CTPS1: variants seen among roughly 807,000 people sequenced by gnomAD.
CTPS1 encodes the protein CTP synthetase 1.
CTPS1 carries 25 observed loss-of-function variants against 80.5 expected under a neutral mutation model. The observed-to-expected ratio is 0.31, with a 90% confidence interval of 0.23 to 0.43. The LOEUF is 0.43. Among genes scored for constraint, CTPS1 ranks in the 20% least tolerant of loss-of-function variants. The probability of loss-of-function intolerance (pLI) is 1.00; values close to 1 mark genes in which losing one functional copy is unlikely to be tolerated. For synonymous variants in CTPS1, 267 were observed against 252.5 expected (o/e 1.06, Z -0.54); for missense variants, 442 against 725.7 (o/e 0.61, Z 4.49).
rs776753946 is a variant in CTPS1 at position 41,003,105 on chromosome 1, G to T, written c.1190-9G>T. 6.2e-7 allele frequency: 1 copy of T among 1,614,004 alleles called. No homozygotes were observed. Among genetic ancestry groups the T allele is most frequent in the Non-Finnish European group, 8.5e-7 (1 of 1,179,950 alleles). Reference sequence around the variant, plus strand: ...GGAGTTTTGTTTGTTTTTTCCCCCCGACTGGAAGGCGTGTGCTTAGGGATG... The same window carrying T: ...GGAGTTTTGTTTGTTTTTTCCCCCCTACTGGAAGGCGTGTGCTTAGGGATG... On this transcript the variant is annotated splice_polypyrimidine_tract_variant and intron_variant, in intron 11 of 18. Transcript: ENST00000650070.
intron 11 of CTPS1, 134 bp downstream of exon 11, chr1:41,002,388 C>G: frequency 1.4e-6 from 1 of 694,804 alleles, no homozygotes; most frequent in African/African-American, 1.8e-5. Context: ...CAAGTAGAAG[C>G]CTTCATGTTT....
chr1:40,995,825 C>CA, intron 7 of CTPS1, 92 bp from the exon 8 acceptor site: 1 of 1,286,006 alleles, frequency 7.8e-7, no homozygotes, highest in East Asian at 2.3e-5. Context: ...TTTTCAAATA[C>CA]ATAATATTTT....
At position 40,979,716 on chromosome 1, in the gene CTPS1, C is replaced by G. The variant is rs556651905; in HGVS notation, c.-127C>G. On this transcript the variant is annotated 5_prime_UTR_variant, in exon 1 of 19. Transcript: ENST00000650070. ...CGTGCGCACAGCCTAGAGCCCGCCT[C>G]CGTGAAAGACTGCCGGGCGCATGCG... The G allele has an allele frequency of 6.6e-6, 1 of 152,456 alleles. No individual in the cohort carries two copies. The highest frequency in any genetic ancestry group is 1.5e-5 in the Non-Finnish European group (1 of 68,128). 9.4% of individuals were successfully genotyped at this position (152,456 alleles called of 1,614,324 possible). A position where few individuals can be genotyped will look rare whatever the true frequency, so the allele number is the denominator to read the frequency against.
intron 9 of CTPS1, 51 bp downstream of exon 9, chr1:40,997,577 G>A (rs1213365873): frequency 3.1e-6 from 5 of 1,592,282 alleles, no homozygotes; most frequent in African/African-American, 1.4e-5. Flanking sequence ...GAAGCAGTCT[G>A]TAGTCTCGTA....
intron 1 of CTPS1, 122 bp downstream of exon 1, chr1:40,979,951 AG>A (rs1310808425): frequency 2.6e-5 from 4 of 152,000 alleles, no homozygotes. Flanking sequence ...CCTACCAATC[AG>A]GGGCGAGGTG....
intron 3 of CTPS1, among the ~76,000 whole-genome samples, chr1:40,985,613 C>T (rs532343001): frequency 1.3e-5 from 2 of 152,114 alleles, no homozygotes; most frequent in South Asian, 2.1e-4. Context: ...ATGGCAGTGG[C>T]CCAAATTTGG....
chr1:40,999,493 T>C (rs1642847886), intron 9 of CTPS1, among the ~76,000 whole-genome samples: 1 of 152,126 alleles, frequency 6.6e-6, no homozygotes, highest in Non-Finnish European at 1.5e-5. Flanking sequence ...TCAACACCTC[T>C]AGTTAGGGAA....
Position 40,988,627 on chromosome 1 carries a change from C to A in CTPS1, c.472C>A (p.Pro158Thr). Residue 158 changes from proline to threonine, a missense_variant, in exon 5 of 19, where the codon CCC (proline) becomes ACC (threonine). Physicochemically the swap from Pro to Thr is conservative, Grantham distance 38 (BLOSUM62 -1). Transcript: ENST00000650070. ...GGTVGDIESM[P>T]FIEAFRQFQF... ...AACCGTGGGGGACATAGAAAGCATG[C>A]CCTTTATTGAGGCCTTCCGTCAGTT... is the stretch of plus-strand genomic sequence containing the variant. 1 of 1,614,050 alleles carries A rather than the reference C, an allele frequency of 6.2e-7. No individual in the cohort carries two copies. Among genetic ancestry groups the A allele is most frequent in the Non-Finnish European group, 8.5e-7 (1 of 1,179,954 alleles).
intron 7 of CTPS1, among the ~76,000 whole-genome samples, chr1:40,993,076 G>T (rs1174076309): frequency 6.6e-6 from 1 of 151,148 alleles, no homozygotes; most frequent in African/African-American, 2.4e-5. Flanking sequence ...TTGAGATGGA[G>T]TTTTCACTTT....
chr1:41,010,850 C>T (rs910464487), intron 18 of CTPS1, among the ~76,000 whole-genome samples: 1 of 152,208 alleles, frequency 6.6e-6, no homozygotes. Context: ...TCATAAAGTG[C>T]AATAACTGTG....
intron 8 of CTPS1, among the ~76,000 whole-genome samples, chr1:40,996,920 T>G (rs986753899): frequency 1.3e-5 from 2 of 152,222 alleles, no homozygotes; most frequent in Non-Finnish European, 2.9e-5. Flanking sequence ...TCTGTTATTT[T>G]TTTTGGTCTT....
intron 16 of CTPS1, among the ~76,000 whole-genome samples, 168 bp downstream of exon 16, chr1:41,009,058 CT>C (rs1444105676): frequency 6.6e-6 from 1 of 152,216 alleles, no homozygotes; most frequent in Admixed American, 6.5e-5. Context: ...ACTCTAGAAA[CT>C]TCTTTCTGGT....
chr1:40,999,088 G>A (rs1237361193), intron 9 of CTPS1, among the ~76,000 whole-genome samples: 1 of 152,222 alleles, frequency 6.6e-6, no homozygotes, highest in Non-Finnish European at 1.5e-5. Context: ...GAGCACATAG[G>A]AGAGGCTGAA....
chr1:40,981,222 G>GCTGT (rs1427035733), intron 1 of CTPS1: 2 of 152,192 alleles, frequency 1.3e-5, no homozygotes, highest in Non-Finnish European at 2.9e-5. Flanking sequence ...AAGCACAGTA[G>GCTGT]CTGTCATGTA....
At chr1:40,981,978 G>T (rs1487671394) in intron 1 of CTPS1, 2 of 1,288,632 alleles carry the variant, frequency 1.6e-6, no homozygotes, top group Non-Finnish European at 2.0e-6. Flanking sequence ...GGAGGAAAAT[G>T]TCCTGACCAT....
chr1:40,980,060 G>A (rs1651789151), intron 1 of CTPS1: 1 of 151,146 alleles, frequency 6.6e-6, no homozygotes, highest in Non-Finnish European at 1.5e-5. Context: ...CTCGTGGCCG[G>A]GCGGCGCTGG....
At chr1:40,980,524 C>G (rs1651833940) in intron 1 of CTPS1, 1 of 152,220 alleles carries the variant, frequency 6.6e-6, no homozygotes, top group African/African-American at 2.4e-5. Flanking sequence ...GGCCCTGTGA[C>G]GCGGGCGGCG....
chr1:40,980,916 C>T (rs1651858923), intron 1 of CTPS1: 1 of 153,004 alleles, frequency 6.5e-6, no homozygotes. Context: ...CACCCTGTTC[C>T]CTTTCCTGTG....
intron 9 of CTPS1, among the ~76,000 whole-genome samples, chr1:40,998,827 T>G (rs1392910246): frequency 6.6e-6 from 1 of 152,130 alleles, no homozygotes; most frequent in Non-Finnish European, 1.5e-5. Context: ...TTTCTCAGCG[T>G]GAGAGTTTAG....
Sources: gnomAD v4.1 joint callset for allele counts (sites outside exome capture counted in the v4.1 genomes callset) on GRCh38, gnomAD v4.1.1 for gene constraint, MANE v1.5 for transcripts, NCBI Gene and HGNC (gene_info 2026-07-23, HGNC 2026-07-21) for gene names.